CREB5: variants seen among roughly 807,000 people sequenced by gnomAD.
CREB5 encodes cAMP responsive element binding protein 5, also known as cyclic AMP-responsive element-binding protein 5.
CREB5 carries 19 observed loss-of-function variants against 57.1 expected under a neutral mutation model. That is an observed-to-expected ratio of 0.33 (90% CI 0.23 to 0.49). The LOEUF (loss-of-function observed/expected upper bound fraction) is 0.49, where lower values mean the gene tolerates loss of function less well. CREB5 is among the 20% of genes least tolerant of loss of function. The pLI, the probability that CREB5 is intolerant of heterozygous loss-of-function variation, is 0.99. For missense variants in CREB5, 579 were observed against 671.6 expected, an observed-to-expected ratio of 0.86 and a Z score of 1.52; for synonymous variants, 238 against 238.3, an observed-to-expected ratio of 1.00 and a Z score of 0.01.
intron 9 of CREB5, among the ~76,000 whole-genome samples, chr7:28,814,833 T>C (rs1809333398): frequency 6.6e-6 from 1 of 152,226 alleles, no homozygotes; most frequent in Non-Finnish European, 1.5e-5. Context: ...ATGTGGTTAT[T>C]AGGCCTTTAT....
intron 5 of CREB5, among the ~76,000 whole-genome samples, chr7:28,651,267 T>C (rs746667455): frequency 1.8e-4 from 27 of 152,264 alleles, no homozygotes; most frequent in Middle Eastern, 3.4e-3. Context: ...CCTTTCAGAA[T>C]GTGATGGAGA....
intron 1 of CREB5, among the ~76,000 whole-genome samples, chr7:28,398,432 C>A (rs981118313): frequency 2.6e-5 from 4 of 152,110 alleles, no homozygotes; most frequent in African/African-American, 9.7e-5. Context: ...AGCAAGAAGG[C>A]CAGGATGTTG....
chr7:28,611,579 G>T (rs1583415784), intron 5 of CREB5, among the ~76,000 whole-genome samples: 1 of 150,720 alleles, frequency 6.6e-6, no homozygotes, highest in East Asian at 1.9e-4. Flanking sequence ...GGAAGCTGAG[G>T]TATGAGAATC....
intron 1 of CREB5, among the ~76,000 whole-genome samples, chr7:28,473,351 C>T (rs1193622022): frequency 6.6e-6 from 1 of 152,166 alleles, no homozygotes; most frequent in Non-Finnish European, 1.5e-5. Flanking sequence ...CTTCCTTGTG[C>T]ACCTTTCTCT....
rs1003274321 is a variant in CREB5 at position 28,414,784 on chromosome 7, A to AT, written c.3+1878dup. ...CACAAATCATAGATTTAACATAGGAATTTTTTTTTTTATAAAAAGAGAGAA... is the reference window on the plus strand; with the variant it reads ...CACAAATCATAGATTTAACATAGGAATTTTTTTTTTTTATAAAAAGAGAGAA... On this transcript the variant is annotated intron_variant, in intron 1 of 10. Coordinates refer to ENST00000357727, the MANE Select transcript of CREB5 (RefSeq NM_182898.4). Among the ~76,000 whole-genome samples the AT allele has an allele frequency of 2.0e-3, 298 of 148,822 alleles. 2 individuals carry two copies. Among genetic ancestry groups the AT allele is most frequent in the Non-Finnish European group, 2.3e-3 (156 of 66,868 alleles).
At chr7:28,688,362 A>G (rs1801060139) in intron 5 of CREB5, among the ~76,000 whole-genome samples, 1 of 152,204 alleles carries the variant, frequency 6.6e-6, no homozygotes, top group African/African-American at 2.4e-5. Context: ...AAATGGTGCC[A>G]AAAATGCAGC....
chr7:28,399,308 T>C (rs1161568291), intron 1 of CREB5, among the ~76,000 whole-genome samples: 3 of 147,610 alleles, frequency 2.0e-5, no homozygotes, highest in African/African-American at 5.0e-5. Context: ...AAATAAGTGA[T>C]AGGAAAATGG....
At chr7:28,328,123 C>A (rs1785642606) in intron 1 of CREB5, among the ~76,000 whole-genome samples, 1 of 152,140 alleles carries the variant, frequency 6.6e-6, no homozygotes, top group Admixed American at 6.5e-5. Context: ...TCCTGCAAAC[C>A]AGAGTCAGTT....
chr7:28,344,283 T>C (rs1303841268), intron 1 of CREB5, among the ~76,000 whole-genome samples: 1 of 152,178 alleles, frequency 6.6e-6, no homozygotes, highest in Non-Finnish European at 1.5e-5. Flanking sequence ...TAGTTTTGAG[T>C]CTTACATTTA....
intron 1 of CREB5, among the ~76,000 whole-genome samples, chr7:28,365,875 T>C (rs1444328616): frequency 4.6e-5 from 7 of 152,252 alleles, no homozygotes; most frequent in Non-Finnish European, 1.0e-4. Context: ...TAAAATTTTG[T>C]AGACCATTAC....
chr7:28,586,535 TC>T (rs2128660828), intron 5 of CREB5, among the ~76,000 whole-genome samples: 1 of 152,294 alleles, frequency 6.6e-6, no homozygotes, highest in African/African-American at 2.4e-5. Context: ...CTTATTCTAT[TC>T]TTTTGGAGCT....
At chr7:28,481,856 G>A (rs142697901) in intron 1 of CREB5, among the ~76,000 whole-genome samples, 341 of 152,248 alleles carry the variant, frequency 2.2e-3, no homozygotes, top group African/African-American at 7.7e-3. Context: ...CAAAGAGACA[G>A]AGGGAAGATG....
intron 5 of CREB5, among the ~76,000 whole-genome samples, chr7:28,691,699 G>A (rs1366422806): frequency 6.6e-6 from 1 of 152,048 alleles, no homozygotes; most frequent in African/African-American, 2.4e-5. Flanking sequence ...GCTGCAAAAG[G>A]GCATATGGTG....
intron 7 of CREB5, among the ~76,000 whole-genome samples, chr7:28,770,536 T>C (rs974549046): frequency 6.6e-6 from 1 of 152,224 alleles, no homozygotes. Flanking sequence ...ATTTTTTATC[T>C]GTTAGTCCAC....
chr7:28,796,291 C>T (rs751950136), intron 7 of CREB5, among the ~76,000 whole-genome samples: 1 of 152,126 alleles, frequency 6.6e-6, no homozygotes, highest in Non-Finnish European at 1.5e-5. Context: ...CAAAACATGA[C>T]CTTTTGTGTC....
intron 5 of CREB5, among the ~76,000 whole-genome samples, chr7:28,640,788 C>T (rs1798627128): frequency 2.0e-5 from 3 of 152,114 alleles, no homozygotes; most frequent in Admixed American, 6.5e-5. Flanking sequence ...TACCTAGTTC[C>T]CCAGATCGAG....
At chr7:28,581,988 AG>A (rs751040212) in intron 5 of CREB5, among the ~76,000 whole-genome samples, 10 of 152,190 alleles carry the variant, frequency 6.6e-5, no homozygotes, top group Non-Finnish European at 1.3e-4. Flanking sequence ...TTTGCACAAA[AG>A]GTTCTTTGGG....
At chr7:28,494,847 G>T in intron 2 of CREB5, 59 bp from the exon 3 acceptor site, 10 of 1,109,772 alleles carry the variant, frequency 9.0e-6, no homozygotes, top group East Asian at 2.7e-5. Context: ...TGGTAAATAT[G>T]TTTTTTAAAA....
intron 1 of CREB5, among the ~76,000 whole-genome samples, chr7:28,466,136 T>C (rs911936385): frequency 1.3e-5 from 2 of 151,914 alleles, no homozygotes; most frequent in Non-Finnish European, 2.9e-5. Flanking sequence ...TACTTATGTT[T>C]CTCTTGCGGT....
Sources: gnomAD v4.1 joint callset for allele counts (sites outside exome capture counted in the v4.1 genomes callset) on GRCh38, gnomAD v4.1.1 for gene constraint, MANE v1.5 for transcripts, NCBI Gene and HGNC (gene_info 2026-07-23, HGNC 2026-07-21) for gene names.